The following MAP3K20 variants were observed in gnomAD, a reference collection of about 807,000 sequenced individuals.
MAP3K20 encodes the protein mitogen-activated protein kinase kinase kinase 20.
MAP3K20 carries 40 observed loss-of-function variants against 85.7 expected under a neutral mutation model. The observed-to-expected ratio is 0.47, with a 90% confidence interval of 0.36 to 0.61. The LOEUF is 0.61. Ranked by LOEUF, MAP3K20 falls within the 20% of genes least tolerant of loss-of-function variation. MAP3K20 has a pLI of 0.00. For missense variants in MAP3K20, 817 were observed against 961.7 expected, an observed-to-expected ratio of 0.85 and a Z score of 1.99; for synonymous variants, 325 against 327.7, an observed-to-expected ratio of 0.99 and a Z score of 0.09.
At chr2:173,196,704 G>T (rs1038573180) in intron 7 of MAP3K20, among the ~76,000 whole-genome samples, 1 of 152,210 alleles carries the variant, frequency 6.6e-6, no homozygotes, top group African/African-American at 2.4e-5. Flanking sequence ...TAGAGAGTAT[G>T]TGTGCTCCAT....
rs4344898 is a variant in MAP3K20 at position 173,145,344 on chromosome 2, T to A, written c.160-24461T>A. 2.0e-5 allele frequency among the ~76,000 whole-genome samples: 3 copies of A among 152,148 alleles called. No homozygotes were observed. The East Asian group carries it at 5.8e-4, about 29-fold the overall frequency. Reference sequence around the variant, plus strand: ...TTTGAAAAACAAAGATGCAATCTACTGACTGGGAGAGCATGTTTATAATGA... The same window carrying A: ...TTTGAAAAACAAAGATGCAATCTACAGACTGGGAGAGCATGTTTATAATGA... On this transcript the variant is annotated intron_variant, in intron 2 of 19. Transcript: ENST00000375213.
intron 4 of MAP3K20, among the ~76,000 whole-genome samples, 196 bp from the exon 5 acceptor site, chr2:173,187,362 G>A (rs968954551): frequency 2.0e-5 from 3 of 152,146 alleles, no homozygotes; most frequent in Admixed American, 1.3e-4. Flanking sequence ...ACCTCTAAGA[G>A]ATTAAAGCTT....
rs1687140957 is a variant in MAP3K20 at position 173,086,141 on chromosome 2, T to G, written c.-34-4857T>G. ...GTGAGATGAAAACGTTGGATTTGAT[T>G]TGATATACCATGTAAATAAATTTAT... On this transcript the variant is annotated intron_variant, in intron 1 of 19. Transcript: ENST00000375213. Among the ~76,000 whole-genome samples the G allele has an allele frequency of 4.6e-5, 7 of 152,298 alleles. No individual in the cohort carries two copies. The South Asian group carries it at 1.4e-3, about 32-fold the overall frequency.
intron 7 of MAP3K20, among the ~76,000 whole-genome samples, chr2:173,196,036 ATTTAC>A (rs1306812418): frequency 6.6e-6 from 1 of 151,832 alleles, no homozygotes; most frequent in Non-Finnish European, 1.5e-5. Context: ...TGGATTTGCA[ATTTAC>A]TTCACAAAAT....
At chr2:173,142,633 AAAAC>A (rs1358607714) in intron 2 of MAP3K20, among the ~76,000 whole-genome samples, 1 of 152,018 alleles carries the variant, frequency 6.6e-6, no homozygotes, top group African/African-American at 2.4e-5. Flanking sequence ...CCCCCACAAA[AAAAC>A]AAAACAAAAG....
chr2:173,261,289 A>C, intron 18 of MAP3K20, 152 bp downstream of exon 18: 9 of 743,924 alleles, frequency 1.2e-5, no homozygotes, highest in Non-Finnish European at 1.7e-5. Flanking sequence ...TAGGAAGATC[A>C]ATATAATTTC....
intron 2 of MAP3K20, among the ~76,000 whole-genome samples, chr2:173,110,366 A>C (rs1165020522): frequency 7.1e-6 from 1 of 141,646 alleles, no homozygotes; most frequent in Non-Finnish European, 1.5e-5. Flanking sequence ...TGTTCCTTCC[A>C]CCTTAGCTTC....
chr2:173,201,879 G>C (rs1691075564), intron 8 of MAP3K20, among the ~76,000 whole-genome samples: 1 of 152,102 alleles, frequency 6.6e-6, no homozygotes, highest in African/African-American at 2.4e-5. Context: ...AAATAATTGT[G>C]TTTCCTTGTG....
At chr2:173,127,105 A>G (rs1035509238) in intron 2 of MAP3K20, among the ~76,000 whole-genome samples, 1 of 152,216 alleles carries the variant, frequency 6.6e-6, no homozygotes, top group African/African-American at 2.4e-5. Context: ...AAATACAACA[A>G]GGAAGAAGAA....
chr2:173,228,839 A>G (rs1010580318), intron 11 of MAP3K20, among the ~76,000 whole-genome samples: 3 of 152,222 alleles, frequency 2.0e-5, no homozygotes, highest in Non-Finnish European at 2.9e-5. Flanking sequence ...CTCACTCACA[A>G]GAAAATATTT....
intron 2 of MAP3K20, among the ~76,000 whole-genome samples, chr2:173,154,721 A>G (rs1031133474): frequency 2.0e-5 from 3 of 152,330 alleles, no homozygotes; most frequent in Admixed American, 6.5e-5. Flanking sequence ...TCGTATCAAT[A>G]TATAAAATAA....
At chr2:173,086,286 G>A (rs1687144851) in intron 1 of MAP3K20, among the ~76,000 whole-genome samples, 1 of 152,012 alleles carries the variant, frequency 6.6e-6, no homozygotes, top group East Asian at 1.9e-4. Flanking sequence ...TAAATAACTA[G>A]CACTCAGATT....
chr2:173,118,856 T>G lies in MAP3K20; in HGVS notation c.159+27666T>G, dbSNP rs147275595. ...TCATTTTCTTAAAATGTTATCAAATTAATGGTTCTAGAAGTAGCTATAATT... is the reference window on the plus strand; with the variant it reads ...TCATTTTCTTAAAATGTTATCAAATGAATGGTTCTAGAAGTAGCTATAATT... On this transcript the variant is annotated intron_variant, in intron 2 of 19. Coordinates refer to ENST00000375213, the MANE Select transcript of MAP3K20 (RefSeq NM_016653.3). Among the ~76,000 whole-genome samples the G allele has an allele frequency of 8.5e-3, 1,287 of 152,230 alleles. 8 individuals are homozygous for G. Among genetic ancestry groups the G allele is most frequent in the South Asian group, 0.022 (104 of 4,816 alleles).
Position 173,191,498 on chromosome 2 carries a change from C to T in MAP3K20, c.582+321C>T, listed in dbSNP as rs1690649560. Among the ~76,000 whole-genome samples, 3 of 152,142 alleles carry T rather than the reference C, an allele frequency of 2.0e-5. No individual in the cohort carries two copies. The South Asian group carries it at 6.2e-4, about 31-fold the overall frequency. ...CAGGGTGGTAATGTGACTGTGGACTCTCTCTGTAATTTCAATGGAAATGTG... is the reference window on the plus strand; with the variant it reads ...CAGGGTGGTAATGTGACTGTGGACTTTCTCTGTAATTTCAATGGAAATGTG... On this transcript the variant is annotated intron_variant, in intron 7 of 19. Coordinates refer to ENST00000375213, the MANE Select transcript of MAP3K20 (RefSeq NM_016653.3).
chr2:173,075,870 G>C lies in MAP3K20; in HGVS notation c.-167G>C, dbSNP rs545116438. 1.2e-3 allele frequency: 1,221 copies of C among 985,222 alleles called. 1 individual carries two copies. The highest frequency in any genetic ancestry group is 1.4e-3 in the Non-Finnish European group (1,156 of 829,896). The allele number at this position is 985,222 out of a possible 1,614,324, so 61.0% of individuals were successfully genotyped here. On this transcript the variant is annotated 5_prime_UTR_variant, in exon 1 of 20. Transcript: ENST00000375213. Reference sequence around the variant, plus strand: ...CCTCATTGGCGCCGTGCAGAGAGGCGGAATGTTCAACTCCTAACTGCAGCG... The same window carrying C: ...CCTCATTGGCGCCGTGCAGAGAGGCCGAATGTTCAACTCCTAACTGCAGCG...
At chr2:173,232,611 C>G in intron 14 of MAP3K20, 152 bp downstream of exon 14, 1 of 1,208,590 alleles carries the variant, frequency 8.3e-7, no homozygotes. Flanking sequence ...TCAAGTGATT[C>G]TCCTGCCTCA....
chr2:173,190,862 A>G, intron 5 of MAP3K20, 33 bp from the exon 6 acceptor site: 1 of 1,555,424 alleles, frequency 6.4e-7, no homozygotes, highest in Non-Finnish European at 8.8e-7. Flanking sequence ...AAATTAGATG[A>G]TTGTCATAAT....
At chr2:173,189,968 A>G (rs915551267) in intron 5 of MAP3K20, among the ~76,000 whole-genome samples, 3 of 152,100 alleles carry the variant, frequency 2.0e-5, no homozygotes, top group South Asian at 2.1e-4. Flanking sequence ...CTCCAGGTCT[A>G]TTCTTCTCTG....
chr2:173,198,304 T>C lies in MAP3K20; in HGVS notation c.669+192T>C. 2.3e-6 allele frequency: 1 copy of C among 426,422 alleles called. No individual in the cohort carries two copies. The highest frequency in any genetic ancestry group is 2.9e-5 in the South Asian group (1 of 34,174). 26.4% of individuals were successfully genotyped at this position (426,422 alleles called of 1,614,324 possible). ...ACCCTTTACATCTAATTGTTGCAGCTTCACGTCGTGATGCTGTAGATCAAA... is the reference window on the plus strand; with the variant it reads ...ACCCTTTACATCTAATTGTTGCAGCCTCACGTCGTGATGCTGTAGATCAAA... On this transcript the variant is annotated intron_variant, in intron 8 of 19. Transcript: ENST00000375213. The surrounding 1 kb of genome is among the most constrained non-coding windows in gnomAD (Gnocchi z 5.8).
Sources: allele counts gnomAD v4.1 joint callset (sites outside exome capture counted in the v4.1 genomes callset), GRCh38; gene constraint gnomAD v4.1.1; non-coding constraint Gnocchi (gnomAD v3.1); transcripts MANE v1.5; gene names NCBI Gene and HGNC (gene_info 2026-07-23, HGNC 2026-07-21).